Variants in RASSF6 observed in about 807,000 individuals in gnomAD.
RASSF6 encodes the protein ras association domain-containing protein 6.
Under a neutral mutation model 44.0 loss-of-function variants are expected in RASSF6, and 52 were observed. That is an observed-to-expected ratio of 1.18 (90% CI 0.95 to 1.49). The LOEUF (loss-of-function observed/expected upper bound fraction) is 1.49. Ranked by LOEUF, RASSF6 falls within the 40% of genes most tolerant of loss-of-function variation. The probability of loss-of-function intolerance (pLI) is 0.00; values close to 1 mark genes in which losing one functional copy is unlikely to be tolerated. For missense variants in RASSF6, 464 were observed against 393.3 expected (o/e 1.18, Z -1.52); for synonymous variants, 162 against 124.6 (o/e 1.30, Z -2.00).
chr4:73,597,066 A>G (rs1724983011), intron 3 of RASSF6, among the ~76,000 whole-genome samples: 1 of 152,232 alleles, frequency 6.6e-6, no homozygotes, highest in Admixed American at 6.5e-5. Flanking sequence ...GCATGGGCAA[A>G]GATTTCATGA....
chr4:73,590,438 A>G (rs2149377253), intron 4 of RASSF6, among the ~76,000 whole-genome samples: 1 of 152,368 alleles, frequency 6.6e-6, no homozygotes. Flanking sequence ...AGAGGTGCCC[A>G]CTATGGGAAA....
intron 8 of RASSF6, among the ~76,000 whole-genome samples, chr4:73,578,822 G>C (rs909624865): frequency 6.6e-6 from 1 of 151,926 alleles, no homozygotes; most frequent in Non-Finnish European, 1.5e-5. Flanking sequence ...ATAGTGGTCA[G>C]GCTGGTCTCA....
intron 3 of RASSF6, among the ~76,000 whole-genome samples, 161 bp downstream of exon 3, chr4:73,598,479 C>T (rs577403577): frequency 6.6e-6 from 1 of 152,144 alleles, no homozygotes; most frequent in African/African-American, 2.4e-5. Flanking sequence ...GCTTTTCTAT[C>T]TCAAAAATGC....
At chr4:73,617,358 A>T (rs1044799453) in intron 1 of RASSF6, among the ~76,000 whole-genome samples, 3 of 152,206 alleles carry the variant, frequency 2.0e-5, no homozygotes, top group Non-Finnish European at 4.4e-5. Flanking sequence ...AGAAAGCAGA[A>T]ACGGTCAGAG....
At chr4:73,619,185 T>G (rs993808970) in intron 1 of RASSF6, among the ~76,000 whole-genome samples, 1 of 152,224 alleles carries the variant, frequency 6.6e-6, no homozygotes, top group African/African-American at 2.4e-5. Context: ...TATGAGATTG[T>G]GTGTAACTCT....
chr4:73,576,169 A>G lies in RASSF6; in HGVS notation c.*66T>C. On this transcript the variant is annotated 3_prime_UTR_variant, in exon 11 of 11. Coordinates refer to ENST00000307439, the MANE Select transcript of RASSF6 (RefSeq NM_177532.5). ...TCGTATAAATGCAAGTACAGAACTT[A>G]TGCATTCATCAAAGAGTAATATCTC... is the stretch of plus-strand genomic sequence containing the variant. 1 of 827,588 alleles carries G rather than the reference A, an allele frequency of 1.2e-6. No individual in the cohort carries two copies. The highest frequency in any genetic ancestry group is 2.4e-5 in the Admixed American group (1 of 41,426). The allele number at this position is 827,588 out of a possible 1,614,324, so 51.3% of individuals were successfully genotyped here.
At chr4:73,578,538 C>T (rs557109070) in intron 8 of RASSF6, among the ~76,000 whole-genome samples, 3 of 152,256 alleles carry the variant, frequency 2.0e-5, no homozygotes, top group African/African-American at 7.2e-5. Context: ...CTCTGCATTA[C>T]CCTTTGAGTG....
intron 3 of RASSF6, among the ~76,000 whole-genome samples, chr4:73,598,138 C>G (rs901099671): frequency 2.0e-5 from 3 of 152,168 alleles, no homozygotes; most frequent in Non-Finnish European, 4.4e-5. Flanking sequence ...TGCTTTCTAG[C>G]TTCAGGACTT....
At chr4:73,620,202 T>C in intron 1 of RASSF6, 86 bp downstream of exon 1, 2 of 841,732 alleles carry the variant, frequency 2.4e-6, no homozygotes, top group Non-Finnish European at 1.7e-6. Flanking sequence ...CTTTGTTGCC[T>C]ATGGATTCTG....
At chr4:73,602,627 C>T (rs1433755466) in intron 2 of RASSF6, among the ~76,000 whole-genome samples, 1 of 152,110 alleles carries the variant, frequency 6.6e-6, no homozygotes, top group East Asian at 1.9e-4. Context: ...AATTTGTGCA[C>T]CTTTCTCCCT....
At chr4:73,608,982 G>C (rs1196311250) in intron 2 of RASSF6, among the ~76,000 whole-genome samples, 2 of 152,176 alleles carry the variant, frequency 1.3e-5, no homozygotes, top group African/African-American at 4.8e-5. Flanking sequence ...CTTGGAAAAA[G>C]AAACTGTTTG....
At chr4:73,606,238 A>T (rs1253562402) in intron 2 of RASSF6, among the ~76,000 whole-genome samples, 1 of 152,262 alleles carries the variant, frequency 6.6e-6, no homozygotes, top group Non-Finnish European at 1.5e-5. Flanking sequence ...GTAGCCATAA[A>T]AAAGAGCAAA....
intron 4 of RASSF6, among the ~76,000 whole-genome samples, chr4:73,589,371 T>C (rs2149376002): frequency 6.6e-6 from 1 of 152,090 alleles, no homozygotes; most frequent in Middle Eastern, 3.4e-3. Flanking sequence ...CAGACATAAT[T>C]ATCGTAGAAG....
In RASSF6 at chr4:73,574,552, AG is replaced by A. The variant is rs1180843290; in HGVS notation, c.*1682del. 5.3e-5 allele frequency: 8 copies of A among 152,092 alleles called. No homozygotes were observed. Among genetic ancestry groups the A allele is most frequent in the Non-Finnish European group, 8.8e-5 (6 of 68,032 alleles). 9.4% of individuals were successfully genotyped at this position (152,092 alleles called of 1,614,324 possible). On this transcript the variant is annotated 3_prime_UTR_variant, in exon 11 of 11. Coordinates refer to ENST00000307439, the MANE Select transcript of RASSF6 (RefSeq NM_177532.5). ...TTTCCTTGTTAGGATTCTTTCCCTC[AG>A]CCTTAGGGTACCTTCTCTTTTCATC... is the stretch of plus-strand genomic sequence containing the variant.
chr4:73,617,772 A>G (rs760090857), intron 1 of RASSF6, among the ~76,000 whole-genome samples: 25 of 152,262 alleles, frequency 1.6e-4, no homozygotes, highest in Non-Finnish European at 2.8e-4. Context: ...CATTTTAAAC[A>G]TACAAATTAA....
At chr4:73,609,858 TAGG>T (rs955146985) in intron 2 of RASSF6, among the ~76,000 whole-genome samples, 4 of 152,114 alleles carry the variant, frequency 2.6e-5, no homozygotes, top group African/African-American at 9.7e-5. Flanking sequence ...TTGTTTATGT[TAGG>T]AGGTCAGAAG....
rs201601562 is a variant in RASSF6 at position 73,611,772 on chromosome 4, G to A, written c.24C>T (p.Tyr8=). The A allele has an allele frequency of 1.9e-6, 3 of 1,611,230 alleles. No individual in the cohort carries two copies. Among genetic ancestry groups the A allele is most frequent in the Non-Finnish European group, 2.5e-6 (3 of 1,177,914 alleles). Residue 8 remains tyrosine, a synonymous_variant, in exon 2 of 11, where the codon TAC becomes TAT. Transcript: ENST00000307439. ...TCTCATTAATGAAGATCCAAGAGGGGTACTGGTGAGCCATCATAGTCATCT... is the reference window on the plus strand; with the variant it reads ...TCTCATTAATGAAGATCCAAGAGGGATACTGGTGAGCCATCATAGTCATCT... MTMMAHQ[Y]PSWIFINEKT... is the part of the protein sequence containing the mutation.
At chr4:73,581,221 G>C (rs1324011181) in intron 8 of RASSF6, among the ~76,000 whole-genome samples, 1 of 151,950 alleles carries the variant, frequency 6.6e-6, no homozygotes, top group Non-Finnish European at 1.5e-5. Context: ...TTTTTCATTT[G>C]TGAAGTTTTA....
intron 4 of RASSF6, among the ~76,000 whole-genome samples, chr4:73,592,702 A>G (rs1420025083): frequency 6.6e-6 from 1 of 152,220 alleles, no homozygotes; most frequent in Non-Finnish European, 1.5e-5. Context: ...CAGATGGAAC[A>G]TCATTAAGTT....
Sources: gnomAD v4.1 joint callset for allele counts (sites outside exome capture counted in the v4.1 genomes callset) on GRCh38, gnomAD v4.1.1 for gene constraint, MANE v1.5 for transcripts, NCBI Gene and HGNC (gene_info 2026-07-23, HGNC 2026-07-21) for gene names.